Variants in RANBP2 observed in about 807,000 individuals in gnomAD.
RANBP2 encodes E3 SUMO-protein ligase RanBP2.
Under a neutral mutation model 303.6 loss-of-function variants are expected in RANBP2, and 57 were observed. The observed-to-expected ratio is 0.19, with a 90% CI of 0.15 to 0.23. RANBP2 has a LOEUF of 0.23. Ranked by LOEUF, RANBP2 falls within the 10% of genes least tolerant of loss-of-function variation. RANBP2 has a pLI of 1.00. For synonymous variants in RANBP2, 1,167 were observed against 1,301.5 expected (o/e 0.90, Z 2.23); for missense variants, 3,138 against 3,780.8 (o/e 0.83, Z 4.46).
chr2:109,640,467 T>TAAAA, the RANBP2 span, among the ~76,000 whole-genome samples: 23 of 152,240 alleles, frequency 1.5e-4, no homozygotes, highest in Admixed American at 1.5e-3. Context: ...AATAAATAAA[T>TAAAA]AAAACCATTC....
At chr2:108,862,638 A>G in the RANBP2 span, among the ~76,000 whole-genome samples, 2 of 152,204 alleles carry the variant, frequency 1.3e-5, no homozygotes, top group Non-Finnish European at 1.5e-5. Context: ...TACATACTAC[A>G]TGATATTGAA....
intron 7 of RANBP2, among the ~76,000 whole-genome samples, chr2:108,746,371 G>T (rs1161097779): frequency 6.6e-6 from 1 of 151,380 alleles, no homozygotes; most frequent in Non-Finnish European, 1.5e-5. Context: ...GTGCCACCAC[G>T]CCTGGCTCTT....
chr2:109,506,304 C>T, the RANBP2 span, among the ~76,000 whole-genome samples: 6 of 152,206 alleles, frequency 3.9e-5, no homozygotes, highest in South Asian at 2.1e-4. Context: ...TCTTCTTTCT[C>T]GGGAGAAAGG....
chr2:108,970,200 C>A, the RANBP2 span, among the ~76,000 whole-genome samples: 2 of 152,154 alleles, frequency 1.3e-5, no homozygotes, highest in Non-Finnish European at 2.9e-5. Flanking sequence ...CAGGCCCCTA[C>A]CCGAGGCCCA....
the RANBP2 span, among the ~76,000 whole-genome samples, chr2:109,275,832 A>G: frequency 6.6e-6 from 1 of 152,290 alleles, no homozygotes; most frequent in African/African-American, 2.4e-5. Context: ...GGAGCTGGTA[A>G]TAGGATCTAG....
At chr2:108,939,847 C>T in the RANBP2 span, among the ~76,000 whole-genome samples, 2 of 152,216 alleles carry the variant, frequency 1.3e-5, no homozygotes, top group African/African-American at 4.8e-5. Flanking sequence ...CTGCCTCCCC[C>T]AGACCCAGCC....
At chr2:109,575,949 C>G in the RANBP2 span, among the ~76,000 whole-genome samples, 3 of 152,098 alleles carry the variant, frequency 2.0e-5, no homozygotes, top group Non-Finnish European at 4.4e-5. Flanking sequence ...TCTTATACAT[C>G]TGTATTTTCC....
At chr2:109,342,867 T>C in the RANBP2 span, among the ~76,000 whole-genome samples, 1 of 152,252 alleles carries the variant, frequency 6.6e-6, no homozygotes, top group Non-Finnish European at 1.5e-5. Flanking sequence ...TTATAAGTTT[T>C]AATTATTATT....
chr2:109,589,084 G>GC, the RANBP2 span, among the ~76,000 whole-genome samples: 1 of 152,082 alleles, frequency 6.6e-6, no homozygotes, highest in Non-Finnish European at 1.5e-5. Context: ...GCGCCACCAC[G>GC]CCTGGGTAAT....
the RANBP2 span, among the ~76,000 whole-genome samples, chr2:109,672,200 G>A: frequency 2.0e-5 from 3 of 152,168 alleles, no homozygotes; most frequent in Non-Finnish European, 4.4e-5. Flanking sequence ...ATGCTTTCCT[G>A]TTAATGCATT....
the RANBP2 span, among the ~76,000 whole-genome samples, chr2:109,526,706 G>A: frequency 6.6e-6 from 1 of 152,136 alleles, no homozygotes; most frequent in Non-Finnish European, 1.5e-5. Context: ...CTCTGGCACA[G>A]GGGGCTCACC....
chr2:109,059,431 C>T, the RANBP2 span, among the ~76,000 whole-genome samples: 31 of 152,152 alleles, frequency 2.0e-4, no homozygotes, highest in African/African-American at 4.6e-4. Context: ...AACAATTAGC[C>T]GGGTGTGGCG....
the RANBP2 span, among the ~76,000 whole-genome samples, chr2:108,939,442 C>T: frequency 4.0e-4 from 61 of 152,190 alleles, no homozygotes; most frequent in African/African-American, 1.4e-3. Context: ...GCAGAGTATG[C>T]GTATGTGAAA....
the RANBP2 span, among the ~76,000 whole-genome samples, chr2:109,640,660 G>C: frequency 6.6e-6 from 1 of 152,042 alleles, no homozygotes; most frequent in East Asian, 1.9e-4. Flanking sequence ...TCTCAGCTCC[G>C]GACAGTGCCT....
the RANBP2 span, chr2:109,552,759 G>T: frequency 2.3e-5 from 5 of 214,662 alleles, no homozygotes; most frequent in Non-Finnish European, 4.6e-5. Context: ...CCTAAAAATT[G>T]TATACCGTGG....
At chr2:109,073,757 G>C in the RANBP2 span, among the ~76,000 whole-genome samples, 61 of 150,768 alleles carry the variant, frequency 4.0e-4, 3 homozygotes, top group South Asian at 0.012. Context: ...CCACCCAGCA[G>C]ATCTACATAT....
chr2:109,495,971 G>T, the RANBP2 span, among the ~76,000 whole-genome samples: 1 of 152,166 alleles, frequency 6.6e-6, no homozygotes, highest in Admixed American at 6.5e-5. Context: ...TGGGTTCGTG[G>T]TCTCACTGAC....
the RANBP2 span, among the ~76,000 whole-genome samples, chr2:108,875,704 A>G: frequency 6.6e-6 from 1 of 152,028 alleles, no homozygotes; most frequent in Non-Finnish European, 1.5e-5. Context: ...CAAAAAATAA[A>G]CAAAATTAGC....
At chr2:108,828,927 G>A in the RANBP2 span, among the ~76,000 whole-genome samples, 96,103 of 151,876 alleles carry the variant, frequency 0.63, 33,909 homozygotes, top group East Asian at 0.9. Flanking sequence ...GCAGTGAGCC[G>A]AGATCACGCC....
Sources: allele counts gnomAD v4.1 joint callset (sites outside exome capture counted in the v4.1 genomes callset), GRCh38; gene constraint gnomAD v4.1.1; transcripts MANE v1.5; gene names NCBI Gene and HGNC (gene_info 2026-07-23, HGNC 2026-07-21).